Variants in TRPA1 observed in about 807,000 individuals in gnomAD.
The protein encoded by TRPA1 is transient receptor potential cation channel subfamily A member 1, also known as ankyrin-like with transmembrane domains 1.
Under a neutral mutation model 131.3 loss-of-function variants are expected in TRPA1, and 129 were observed. The observed-to-expected ratio is 0.98, with a 90% confidence interval of 0.85 to 1.14. The LOEUF is 1.14. Among genes scored for constraint, TRPA1 ranks in the 50% most tolerant of loss-of-function variants. The pLI is 0.00. For missense variants in TRPA1, 1,304 were observed against 1,354.2 expected (o/e 0.96, Z 0.58); for synonymous variants, 441 against 451.7 (o/e 0.98, Z 0.30).
intron 3 of TRPA1, 77 bp from the exon 4 acceptor site, chr8:72,065,635 G>A: frequency 2.0e-6 from 2 of 992,216 alleles, no homozygotes; most frequent in Non-Finnish European, 1.6e-6. Flanking sequence ...TAGAGTTTAA[G>A]TTTTCAAATA....
chr8:72,075,246 C>T (rs1563408456), intron 1 of TRPA1, 53 bp downstream of exon 1: 2 of 1,429,628 alleles, frequency 1.4e-6, no homozygotes, highest in East Asian at 2.3e-5. Context: ...AACCTCCAGC[C>T]GACCCCCGCC....
chr8:72,054,906 T>G (rs1452715408), intron 12 of TRPA1: 1 of 152,712 alleles, frequency 6.5e-6, no homozygotes, highest in Non-Finnish European at 1.5e-5. Flanking sequence ...ATTTTAACTT[T>G]GTTTCTTGTA....
chr8:72,068,973 CA>C, intron 3 of TRPA1, 49 bp downstream of exon 3: 2 of 1,606,340 alleles, frequency 1.2e-6, no homozygotes, highest in Non-Finnish European at 1.7e-6. Flanking sequence ...ATCTGGGTCC[CA>C]GCACCTGCAC....
chr8:72,068,388 T>C (rs566722004), intron 3 of TRPA1, among the ~76,000 whole-genome samples: 1 of 152,320 alleles, frequency 6.6e-6, no homozygotes, highest in South Asian at 2.1e-4. Context: ...CCTTTAGCAA[T>C]TTTCCAGGGT....
chr8:72,044,215 A>G (rs927946072), intron 17 of TRPA1, among the ~76,000 whole-genome samples: 3 of 151,794 alleles, frequency 2.0e-5, no homozygotes, highest in African/African-American at 7.2e-5. Context: ...GGGAAAAAAA[A>G]AAAAACTGGC....
chr8:72,025,478 G>A (rs894701957), intron 25 of TRPA1, among the ~76,000 whole-genome samples: 1 of 151,954 alleles, frequency 6.6e-6, no homozygotes, highest in Non-Finnish European at 1.5e-5. Context: ...ACCCAGTCTC[G>A]GGCAGTTCTT....
At chr8:72,069,794 G>A (rs1171181510) in intron 2 of TRPA1, among the ~76,000 whole-genome samples, 1 of 151,024 alleles carries the variant, frequency 6.6e-6, no homozygotes, top group East Asian at 1.9e-4. Context: ...CACACAGGGA[G>A]AGAGAGAGAG....
At chr8:72,030,880 T>C (rs1473841074) in intron 23 of TRPA1, among the ~76,000 whole-genome samples, 2 of 152,212 alleles carry the variant, frequency 1.3e-5, no homozygotes, top group Admixed American at 1.3e-4. Context: ...GTTAGCTCAG[T>C]TCTACTCAGT....
chr8:72,038,131 C>T (rs1812118584), intron 19 of TRPA1, 59 bp from the exon 20 acceptor site: 2 of 877,578 alleles, frequency 2.3e-6, no homozygotes, highest in Non-Finnish European at 1.8e-6. Flanking sequence ...TTTAACATTT[C>T]CATAATTTTC....
chr8:72,023,864 T>C lies in TRPA1; in HGVS notation c.3099A>G (p.Ile1033Met). ...LFCTGEIRQE[I>M]PNADKSLEME... Reference sequence around the variant, plus strand: ...TTTCTAAAGATTTATCAGCATTTGGTATTTCTTGTCTTATTTCCCCAGTGC... The same window carrying C: ...TTTCTAAAGATTTATCAGCATTTGGCATTTCTTGTCTTATTTCCCCAGTGC... The change falls in exon 26 of 27, where the codon ATA becomes ATG. Residue 1033 changes from isoleucine to methionine, a missense_variant. Ile to Met is a conservative substitution (Grantham distance 10, BLOSUM62 1). Coordinates refer to ENST00000262209, the MANE Select transcript of TRPA1 (RefSeq NM_007332.3). 6.3e-7 allele frequency: 1 copy of C among 1,596,300 alleles called. No homozygotes were observed. The highest frequency in any genetic ancestry group is 8.6e-7 in the Non-Finnish European group (1 of 1,164,214).
chr8:72,038,810 G>GA (rs1215893322), intron 19 of TRPA1, 55 bp downstream of exon 19: 7 of 1,493,582 alleles, frequency 4.7e-6, no homozygotes, highest in Non-Finnish European at 6.4e-6. Context: ...GTAGTCTTAA[G>GA]AAAAAATACA....
chr8:72,075,261 C>T (rs771116661), intron 1 of TRPA1, 38 bp downstream of exon 1: 3 of 1,531,120 alleles, frequency 2.0e-6, no homozygotes, highest in Admixed American at 1.7e-5. Context: ...CCCGCCCGCA[C>T]GTCGGAACCC....
chr8:72,074,763 C>A (rs981720037), intron 1 of TRPA1, among the ~76,000 whole-genome samples: 8 of 152,130 alleles, frequency 5.3e-5, no homozygotes, highest in African/African-American at 1.9e-4. Context: ...AAGCTCCTAC[C>A]CCTGGAGAAG....
intron 18 of TRPA1, 146 bp downstream of exon 18, chr8:72,039,581 T>G (rs779679754): frequency 5.0e-6 from 3 of 605,854 alleles, no homozygotes; most frequent in Non-Finnish European, 8.7e-6. Flanking sequence ...TTCTAGGGCA[T>G]TTGCCTTACT....
rs200623988 is a variant in TRPA1 at position 72,033,849 on chromosome 8, A to G, written c.2686-23T>C. ...ATCCTGAAAGCAGACGGTGAGGTAC[A>G]AATGAAATGCAAAGTTTCTACAATG... On this transcript the variant is annotated intron_variant, in intron 22 of 26. Transcript: ENST00000262209. 103 of 1,608,336 alleles carry G rather than the reference A, an allele frequency of 6.4e-5. No homozygotes were observed. In the Middle Eastern group the frequency reaches 1.3e-3, roughly 21 times the overall value.
chr8:72,048,047 G>T (rs973255835), intron 15 of TRPA1, among the ~76,000 whole-genome samples: 2 of 151,152 alleles, frequency 1.3e-5, no homozygotes, highest in African/African-American at 4.9e-5. Flanking sequence ...TTAGAGGGGG[G>T]TGGACAGGAT....
intron 12 of TRPA1, chr8:72,054,077 G>T (rs534940730): frequency 1.8e-6 from 1 of 570,138 alleles, no homozygotes; most frequent in African/African-American, 1.9e-5. Context: ...ATTCATACAC[G>T]TTTTTTACTT....
intron 23 of TRPA1, among the ~76,000 whole-genome samples, chr8:72,030,512 C>T (rs189175566): frequency 1.3e-3 from 199 of 152,240 alleles, no homozygotes; most frequent in African/African-American, 4.6e-3. Flanking sequence ...ACCTCTGCAA[C>T]GATGATGGCC....
intron 24 of TRPA1, among the ~76,000 whole-genome samples, chr8:72,026,406 T>G (rs1007756416): frequency 6.6e-6 from 1 of 152,204 alleles, no homozygotes; most frequent in African/African-American, 2.4e-5. Flanking sequence ...TGCTGGAGAT[T>G]TAAAGAAGAA....
Sources: gnomAD v4.1 joint callset for allele counts (sites outside exome capture counted in the v4.1 genomes callset) on GRCh38, gnomAD v4.1.1 for gene constraint, MANE v1.5 for transcripts, NCBI Gene and HGNC (gene_info 2026-07-23, HGNC 2026-07-21) for gene names.